Variants in GDPD5 observed in about 807,000 individuals in gnomAD.
GDPD5 encodes glycerophosphodiester phosphodiesterase 2.
In GDPD5, 48 loss-of-function variants were observed where a neutral mutation model predicts 75.1. The observed-to-expected ratio is 0.64, with a 90% CI of 0.51 to 0.81. GDPD5 has a LOEUF of 0.81. GDPD5 is among the 40% of genes least tolerant of loss of function. GDPD5 has a pLI of 0.00. For synonymous variants in GDPD5, 336 were observed against 339.0 expected (o/e 0.99, Z 0.10); for missense variants, 706 against 822.6 (o/e 0.86, Z 1.73).
rs79131751 is a variant in GDPD5 at position 75,434,673 on chromosome 11, G to C, written c.*834C>G. 0.017 allele frequency: 2,609 copies of C among 152,386 alleles called. 83 individuals carry two copies. The highest frequency in any genetic ancestry group is 0.06 in the African/African-American group (2,484 of 41,548). 9.4% of individuals were successfully genotyped at this position (152,386 alleles called of 1,614,324 possible). A position where few individuals can be genotyped will look rare whatever the true frequency, so the allele number is the denominator to read the frequency against. ...GCAGCTTTAATCACATTGGCCAAGGGCCCTAGGTTCCCTCTGTTCAGGCCC... is the reference window on the plus strand; with the variant it reads ...GCAGCTTTAATCACATTGGCCAAGGCCCCTAGGTTCCCTCTGTTCAGGCCC... On this transcript the variant is annotated 3_prime_UTR_variant, in exon 17 of 17. Coordinates refer to ENST00000336898, the MANE Select transcript of GDPD5 (RefSeq NM_030792.8).
rs771312458 is a variant in GDPD5, at chr11:75,437,068, G to C, written c.1557-20C>G. The C allele has an allele frequency of 3.8e-6, 6 of 1,586,734 alleles. No homozygotes were observed. In the South Asian group the frequency reaches 6.6e-5, roughly 18 times the overall value. ...CGCCACCTGCAGAGATGGCCCCGTGGGCATCAGGTCTCTCCTCAGCCCTCC... is the reference window on the plus strand; with the variant it reads ...CGCCACCTGCAGAGATGGCCCCGTGCGCATCAGGTCTCTCCTCAGCCCTCC... On this transcript the variant is annotated intron_variant, in intron 15 of 16. Coordinates refer to ENST00000336898, the MANE Select transcript of GDPD5 (RefSeq NM_030792.8).
At chr11:75,467,787 T>C (rs1431402370) in intron 3 of GDPD5, among the ~76,000 whole-genome samples, 1 of 152,034 alleles carries the variant, frequency 6.6e-6, no homozygotes, top group Admixed American at 6.5e-5. Context: ...TGCATCTCCT[T>C]CCATTATTAC....
chr11:75,441,350 G>C lies in GDPD5; in HGVS notation c.1326-40C>G, dbSNP rs375341676. On this transcript the variant is annotated intron_variant, in intron 13 of 16. Coordinates refer to ENST00000336898, the MANE Select transcript of GDPD5 (RefSeq NM_030792.8). ...AGAGGCAGGTCAGCATGCGGACCCT[G>C]GCAGCTCCAGGCCCAGTGTCGGGGC... 1.6e-3 allele frequency: 2,629 copies of C among 1,611,614 alleles called. 57 individuals carry two copies. The South Asian group carries it at 0.027, about 17-fold the overall frequency.
Position 75,435,473 on chromosome 11 carries a change from G to T in GDPD5, c.*34C>A. 1 of 1,532,174 alleles carries T rather than the reference G, an allele frequency of 6.5e-7. No individual in the cohort carries two copies. Among genetic ancestry groups the T allele is most frequent in the Non-Finnish European group, 8.8e-7 (1 of 1,136,914 alleles). The allele number at this position is 1,532,174 out of a possible 1,614,324, so 94.9% of individuals were successfully genotyped here. On this transcript the variant is annotated 3_prime_UTR_variant, in exon 17 of 17. Transcript: ENST00000336898. ...AGCTCTCCTAGGCTCCCCAGCTTCT[G>T]TGTCAGGTACAGGTGGGACAGACAT... is the stretch of plus-strand genomic sequence containing the variant.
In GDPD5 at chr11:75,507,644, C is replaced by G. The variant is rs527582862; in HGVS notation, c.-144-17324G>C. Among the ~76,000 whole-genome samples the G allele has an allele frequency of 1.2e-4, 18 of 152,360 alleles. No homozygotes were observed. The South Asian group carries it at 3.5e-3, about 30-fold the overall frequency. ...TTGCCCCACGAGGCCATCTGAGTGA[C>G]AAGCCAAGAATCAGAGGATAGGACA... On this transcript the variant is annotated intron_variant, in intron 1 of 16. Coordinates refer to ENST00000336898, the MANE Select transcript of GDPD5 (RefSeq NM_030792.8).
At chr11:75,498,219 C>T (rs892005696) in intron 1 of GDPD5, among the ~76,000 whole-genome samples, 1 of 152,222 alleles carries the variant, frequency 6.6e-6, no homozygotes, top group Non-Finnish European at 1.5e-5. Flanking sequence ...CCCAGGCTGA[C>T]ATCACCAGTG....
At chr11:75,485,202 A>G (rs1949998381) in intron 2 of GDPD5, 1 of 152,254 alleles carries the variant, frequency 6.6e-6, no homozygotes, top group Admixed American at 6.5e-5. Context: ...GGGAAAAATA[A>G]GTGGTGCTCA....
At chr11:75,500,792 C>T (rs1443145808) in intron 1 of GDPD5, among the ~76,000 whole-genome samples, 1 of 152,134 alleles carries the variant, frequency 6.6e-6, no homozygotes, top group East Asian at 1.9e-4. Flanking sequence ...GAGAATCACC[C>T]TCCCCATCTC....
At chr11:75,452,213 C>A (rs565730034) in intron 6 of GDPD5, 1 of 152,328 alleles carries the variant, frequency 6.6e-6, no homozygotes, top group East Asian at 1.9e-4. Flanking sequence ...GTCCAAATGG[C>A]AGACAGCTGG....
At chr11:75,459,273 T>C (rs1456164822) in intron 4 of GDPD5, among the ~76,000 whole-genome samples, 1 of 152,190 alleles carries the variant, frequency 6.6e-6, no homozygotes, top group African/African-American at 2.4e-5. Flanking sequence ...TCTTTCTGTA[T>C]TTTTGATTAC....
At chr11:75,462,671 T>C (rs1936534610) in intron 4 of GDPD5, 115 bp downstream of exon 4, 1 of 736,584 alleles carries the variant, frequency 1.4e-6, no homozygotes, top group African/African-American at 1.7e-5. Flanking sequence ...AGAGAGCTGG[T>C]GGCAGAGCTC....
At chr11:75,518,898 G>C (rs191727475) in intron 1 of GDPD5, among the ~76,000 whole-genome samples, 1 of 152,194 alleles carries the variant, frequency 6.6e-6, no homozygotes, top group African/African-American at 2.4e-5. Flanking sequence ...GAGTCCACTC[G>C]TTCAAAAGCT....
intron 3 of GDPD5, among the ~76,000 whole-genome samples, chr11:75,464,078 C>T (rs552197887): frequency 1.9e-4 from 29 of 152,310 alleles, no homozygotes; most frequent in African/African-American, 6.3e-4. Flanking sequence ...GAGACTGAGC[C>T]GACTTCCACT....
intron 9 of GDPD5, among the ~76,000 whole-genome samples, chr11:75,446,876 A>C (rs1445864221): frequency 6.6e-6 from 1 of 152,188 alleles, no homozygotes. Context: ...TAAGGGAAAA[A>C]AGGGACGGGG....
At chr11:75,501,103 T>G (rs1950296364) in intron 1 of GDPD5, among the ~76,000 whole-genome samples, 1 of 152,186 alleles carries the variant, frequency 6.6e-6, no homozygotes, top group Non-Finnish European at 1.5e-5. Context: ...AAGTGCAGCA[T>G]GAGGGGTCCC....
intron 2 of GDPD5, among the ~76,000 whole-genome samples, chr11:75,481,776 C>G (rs1026912354): frequency 3.3e-5 from 5 of 152,156 alleles, no homozygotes; most frequent in Non-Finnish European, 4.4e-5. Flanking sequence ...CATCTGCCCC[C>G]GCCTCCCCAG....
intron 1 of GDPD5, among the ~76,000 whole-genome samples, chr11:75,506,256 A>G (rs1237788781): frequency 6.6e-6 from 1 of 152,210 alleles, no homozygotes; most frequent in Non-Finnish European, 1.5e-5. Flanking sequence ...GGCTCTTCCC[A>G]GAAGACACTC....
intron 1 of GDPD5, among the ~76,000 whole-genome samples, chr11:75,511,130 G>A (rs1056028671): frequency 6.6e-6 from 1 of 152,186 alleles, no homozygotes; most frequent in African/African-American, 2.4e-5. Flanking sequence ...TCTTTTGGTG[G>A]ATGAAAGAAT....
chr11:75,502,872 C>G (rs1230240200), intron 1 of GDPD5, among the ~76,000 whole-genome samples: 1 of 152,196 alleles, frequency 6.6e-6, no homozygotes, highest in Non-Finnish European at 1.5e-5. Context: ...GTGAGAGAAG[C>G]TGGGCAAACC....
Sources: allele counts gnomAD v4.1 joint callset (sites outside exome capture counted in the v4.1 genomes callset), GRCh38; gene constraint gnomAD v4.1.1; transcripts MANE v1.5; gene names NCBI Gene and HGNC (gene_info 2026-07-23, HGNC 2026-07-21).